The following CAMK2D variants were observed in gnomAD, a reference collection of about 807,000 sequenced individuals.
CAMK2D encodes the protein calcium/calmodulin dependent protein kinase II delta, also known as calcium/calmodulin-dependent protein kinase type II subunit delta.
CAMK2D carries 37 observed loss-of-function variants against 84.0 expected under a neutral mutation model. That is an observed-to-expected ratio of 0.44 (90% CI 0.34 to 0.58). CAMK2D has a LOEUF of 0.58. CAMK2D is among the 20% of genes least tolerant of loss of function. The pLI, the probability that CAMK2D is intolerant of heterozygous loss-of-function variation, is 0.02. For synonymous variants in CAMK2D, 202 were observed against 212.5 expected (o/e 0.95, Z 0.43); for missense variants, 448 against 652.5 (o/e 0.69, Z 3.41).
chr4:113,617,608 G>GACACACACACATATATATATATAA (rs1452127705), intron 3 of CAMK2D, among the ~76,000 whole-genome samples: 8 of 152,040 alleles, frequency 5.3e-5, no homozygotes, highest in Admixed American at 1.3e-4. Context: ...GTATTCCTGA[G>GACACACACACATATATATATATAA]AAGGCACATC....
At position 113,457,589 on chromosome 4, in the gene CAMK2D, A is replaced by G. The variant is rs746420011; in HGVS notation, c.1307-26T>C. 3 of 1,601,898 alleles carry G rather than the reference A, an allele frequency of 1.9e-6. No individual in the cohort carries two copies. The East Asian group carries it at 6.7e-5, about 36-fold the overall frequency. The stretch of plus-strand genomic sequence containing the variant: ...CTGAAAGAGAAAAACATGAAAAGCA[A>G]AATTTAGTTTCTATGTAAAGGAAAC... On this transcript the variant is annotated intron_variant, in intron 18 of 20. Coordinates refer to ENST00000511664, the MANE Select transcript of CAMK2D (RefSeq NM_001321571.2).
chr4:113,670,557 C>T (rs1041228611), intron 2 of CAMK2D, among the ~76,000 whole-genome samples: 1 of 151,952 alleles, frequency 6.6e-6, no homozygotes, highest in Admixed American at 6.6e-5. Flanking sequence ...TACCCTCAGT[C>T]TACAATCAAA....
intron 6 of CAMK2D, among the ~76,000 whole-genome samples, chr4:113,543,089 C>A (rs958947045): frequency 6.6e-6 from 1 of 152,188 alleles, no homozygotes; most frequent in Non-Finnish European, 1.5e-5. Context: ...ATTTGAACTG[C>A]AGAAATCTTA....
At chr4:113,638,305 A>G (rs2099118019) in intron 3 of CAMK2D, among the ~76,000 whole-genome samples, 1 of 152,176 alleles carries the variant, frequency 6.6e-6, no homozygotes, top group Non-Finnish European at 1.5e-5. Context: ...ACAGAAGGAT[A>G]GAGACAGAGA....
At chr4:113,489,521 T>C (rs1337629314) in intron 16 of CAMK2D, among the ~76,000 whole-genome samples, 1 of 151,702 alleles carries the variant, frequency 6.6e-6, no homozygotes, top group East Asian at 1.9e-4. Flanking sequence ...TGTGCCACAT[T>C]TTCTTAATCC....
chr4:113,682,674 T>C (rs2099349169), intron 2 of CAMK2D, among the ~76,000 whole-genome samples: 1 of 152,178 alleles, frequency 6.6e-6, no homozygotes, highest in Non-Finnish European at 1.5e-5. Flanking sequence ...TTTACTAAAA[T>C]TATGCAAAAA....
chr4:113,543,546 T>C (rs2098545728), intron 6 of CAMK2D, among the ~76,000 whole-genome samples: 1 of 152,066 alleles, frequency 6.6e-6, no homozygotes, highest in South Asian at 2.1e-4. Flanking sequence ...ACATGATCCT[T>C]AATTCAATGG....
chr4:113,720,120 A>G (rs565204464), intron 2 of CAMK2D, among the ~76,000 whole-genome samples: 1 of 152,092 alleles, frequency 6.6e-6, no homozygotes, highest in African/African-American at 2.4e-5. Context: ...GTTGCTATCA[A>G]CAGTTCTCAG....
intron 2 of CAMK2D, among the ~76,000 whole-genome samples, chr4:113,701,853 G>C (rs1166122092): frequency 1.3e-5 from 2 of 152,096 alleles, no homozygotes; most frequent in African/African-American, 2.4e-5. Flanking sequence ...GGGACCACAG[G>C]CATGCGCCAT....
chr4:113,626,947 C>A (rs1257379395), intron 3 of CAMK2D, among the ~76,000 whole-genome samples: 1 of 152,092 alleles, frequency 6.6e-6, no homozygotes, highest in Non-Finnish European at 1.5e-5. Context: ...GACACAAATT[C>A]AACATTTTAC....
intron 16 of CAMK2D, among the ~76,000 whole-genome samples, chr4:113,474,808 A>G (rs1012064007): frequency 6.6e-6 from 1 of 151,812 alleles, no homozygotes; most frequent in Non-Finnish European, 1.5e-5. Flanking sequence ...CACCACACCC[A>G]GCTAATTTTT....
chr4:113,588,876 G>T (rs1253308787), intron 4 of CAMK2D, among the ~76,000 whole-genome samples: 1 of 99,562 alleles, frequency 1.0e-5, no homozygotes, highest in Non-Finnish European at 2.3e-5. Context: ...GTTTAATAGT[G>T]GTGTCAAAAA....
chr4:113,571,939 A>G (rs1437673300), intron 4 of CAMK2D, among the ~76,000 whole-genome samples: 1 of 152,260 alleles, frequency 6.6e-6, no homozygotes, highest in Non-Finnish European at 1.5e-5. Context: ...CAATTAACTC[A>G]AACAACATAC....
chr4:113,746,092 C>G (rs2099603534), intron 2 of CAMK2D, among the ~76,000 whole-genome samples: 1 of 152,328 alleles, frequency 6.6e-6, no homozygotes, highest in Admixed American at 6.5e-5. Flanking sequence ...AGACTCATTT[C>G]TCATGCCCTT....
rs191532503 is a variant in CAMK2D at position 113,580,851 on chromosome 4, T to C, written c.275+28301A>G. ...ATAATTATTTTTAAAAGCTATACTATAGTATTCAGAAGAAGTGACCTTTCT... is the reference window on the plus strand; with the variant it reads ...ATAATTATTTTTAAAAGCTATACTACAGTATTCAGAAGAAGTGACCTTTCT... On this transcript the variant is annotated intron_variant, in intron 4 of 20. Transcript: ENST00000511664. 1.6e-4 allele frequency among the ~76,000 whole-genome samples: 24 copies of C among 147,178 alleles called. 1 individual carries two copies. The highest frequency in any genetic ancestry group is 8.9e-5 in the Non-Finnish European group (6 of 67,460).
At position 113,713,491 on chromosome 4, in the gene CAMK2D, A is replaced by AATATGATAACAATATTATAT. The variant is rs2099501033; in HGVS notation, c.160+45809_160+45828dup. 2.0e-5 allele frequency among the ~76,000 whole-genome samples: 3 copies of AATATGATAACAATATTATAT among 148,258 alleles called. No homozygotes were observed. The Admixed American group carries it at 2.0e-4, about 10-fold the overall frequency. On this transcript the variant is annotated intron_variant, in intron 2 of 20. Transcript: ENST00000511664. ...GTAATATAACAACATTATTATATAT[A>AATATGATAACAATATTATAT]ATATGATAACAATATTATATATAGT...
chr4:113,588,995 G>A (rs866583962), intron 4 of CAMK2D, among the ~76,000 whole-genome samples: 4 of 152,186 alleles, frequency 2.6e-5, no homozygotes, highest in Admixed American at 2.6e-4. Context: ...GCTCTGAGAG[G>A]AGAGCTGGGG....
At chr4:113,682,940 CAT>C (rs796979715) in intron 2 of CAMK2D, among the ~76,000 whole-genome samples, 43 of 152,062 alleles carry the variant, frequency 2.8e-4, no homozygotes, top group African/African-American at 9.9e-4. Flanking sequence ...ATAAAAGACT[CAT>C]AGTTTCATCA....
At chr4:113,633,803 TATAA>T in intron 3 of CAMK2D, among the ~76,000 whole-genome samples, 1 of 128,074 alleles carries the variant, frequency 7.8e-6, no homozygotes, top group African/African-American at 4.8e-5. Context: ...ATGTACATAA[TATAA>T]TGTGCTAGCT....
Sources: gnomAD v4.1 joint callset for allele counts (sites outside exome capture counted in the v4.1 genomes callset) on GRCh38, gnomAD v4.1.1 for gene constraint, MANE v1.5 for transcripts, NCBI Gene and HGNC (gene_info 2026-07-23, HGNC 2026-07-21) for gene names.